The following CSMD1 variants were observed in gnomAD, a reference collection of about 807,000 sequenced individuals.
CSMD1 encodes CUB and Sushi multiple domains 1.
CSMD1 carries 213 observed loss-of-function variants against 417.5 expected under a neutral mutation model. That is an observed-to-expected ratio of 0.51 (90% CI 0.46 to 0.57). The LOEUF is 0.57. Ranked by LOEUF, CSMD1 falls within the 20% of genes least tolerant of loss-of-function variation. CSMD1 has a pLI of 0.00. For synonymous variants in CSMD1, 2,862 were observed against 1,736.8 expected, an observed-to-expected ratio of 1.65 and a Z score of -16.11; for missense variants, 6,923 against 4,529.7, an observed-to-expected ratio of 1.53 and a Z score of -15.17.
chr8:4,054,050 G>C (rs1463359584), intron 3 of CSMD1, among the ~76,000 whole-genome samples: 2 of 152,144 alleles, frequency 1.3e-5, no homozygotes, highest in African/African-American at 2.4e-5. Context: ...AGTTCACTGA[G>C]AGCCAAATGC....
At chr8:3,830,328 A>G (rs892306498) in intron 5 of CSMD1, among the ~76,000 whole-genome samples, 10 of 152,364 alleles carry the variant, frequency 6.6e-5, no homozygotes, top group Admixed American at 5.2e-4. Flanking sequence ...CACTTGCCGA[A>G]TGATTGGTCG....
chr8:3,485,356 G>A (rs1288550301), intron 11 of CSMD1, among the ~76,000 whole-genome samples: 1 of 152,110 alleles, frequency 6.6e-6, no homozygotes, highest in Non-Finnish European at 1.5e-5. Context: ...TAGAGCTGGA[G>A]TGCAGATAAT....
Position 2,965,826 on chromosome 8 carries a change from T to G in CSMD1, c.9229A>C (p.Ile3077Leu). ...YVMEAVTSAT[I>L]RCTKDGRWNP... is the part of the protein sequence containing the mutation. ...CACCTGCCGTCTTTGGTACAGCGAA[T>G]AGTGGCGGATGTGACTGCTTCCATG... The change falls in exon 59 of 70, where the codon ATT (isoleucine) becomes CTT (leucine). Residue 3077 changes from isoleucine to leucine, a missense_variant. By Grantham distance (5) the Ile-to-Leu change is conservative. Transcript: ENST00000635120. 1 of 1,609,032 alleles carries G rather than the reference T, an allele frequency of 6.2e-7. No individual in the cohort carries two copies. Among genetic ancestry groups the G allele is most frequent in the Admixed American group, 1.7e-5 (1 of 59,556 alleles).
At chr8:3,370,749 T>G (rs1160574514) in intron 18 of CSMD1, among the ~76,000 whole-genome samples, 1 of 152,054 alleles carries the variant, frequency 6.6e-6, no homozygotes, top group African/African-American at 2.4e-5. Flanking sequence ...CTGAGGCAGG[T>G]GGATCACCTG....
In CSMD1 at chr8:3,975,697, G is replaced by C. The variant is rs144266899; in HGVS notation, c.818+22206C>G. 5.7e-4 allele frequency among the ~76,000 whole-genome samples: 87 copies of C among 152,282 alleles called. No individual in the cohort carries two copies. The East Asian group carries it at 0.01, about 18-fold the overall frequency. On this transcript the variant is annotated intron_variant, in intron 5 of 69. Transcript: ENST00000635120. ...TGTACAGGAGATGATGGATTTAAAA[G>C]CCATGGTTGACAACGACTTCATTAC...
At chr8:4,181,020 T>G (rs924743075) in intron 3 of CSMD1, among the ~76,000 whole-genome samples, 1 of 151,994 alleles carries the variant, frequency 6.6e-6, no homozygotes, top group African/African-American at 2.4e-5. Context: ...AGCAAAAAAG[T>G]CCAGCTGAAA....
At position 4,727,347 on chromosome 8, in the gene CSMD1, T is replaced by C. The variant is rs1397878737; in HGVS notation, c.86-89789A>G. ...AAACCCATGAACAAAGACCATGAAA[T>C]AAAATGTTCACAAAAACACTAATGC... is the stretch of plus-strand genomic sequence containing the variant. On this transcript the variant is annotated intron_variant, in intron 1 of 69. Transcript: ENST00000635120. 2.6e-5 allele frequency among the ~76,000 whole-genome samples: 4 copies of C among 152,070 alleles called. No homozygotes were observed. In the South Asian group the frequency reaches 8.3e-4, roughly 32 times the overall value.
At chr8:4,349,346 G>T (rs1345002698) in intron 3 of CSMD1, among the ~76,000 whole-genome samples, 1 of 152,162 alleles carries the variant, frequency 6.6e-6, no homozygotes, top group African/African-American at 2.4e-5. Flanking sequence ...TAAGATGTAG[G>T]TGTTATCGTA....
At chr8:3,900,419 G>C (rs939675845) in intron 5 of CSMD1, among the ~76,000 whole-genome samples, 10 of 151,938 alleles carry the variant, frequency 6.6e-5, no homozygotes, top group Middle Eastern at 3.4e-3. Context: ...GGGCAGCTGG[G>C]TGACAGTGTA....
chr8:3,742,718 C>CAGAG (rs201388373), intron 6 of CSMD1, among the ~76,000 whole-genome samples: 1 of 148,772 alleles, frequency 6.7e-6, no homozygotes, highest in African/African-American at 2.5e-5. Flanking sequence ...TGCATAGGAT[C>CAGAG]AGAGAGAGAG....
At chr8:3,201,981 A>T (rs1319446009) in intron 31 of CSMD1, among the ~76,000 whole-genome samples, 1 of 152,204 alleles carries the variant, frequency 6.6e-6, no homozygotes, top group Non-Finnish European at 1.5e-5. Context: ...TTAAATGAGG[A>T]ATGTTTTTGT....
chr8:3,263,307 C>T (rs1801211714), intron 26 of CSMD1, among the ~76,000 whole-genome samples: 2 of 152,148 alleles, frequency 1.3e-5, no homozygotes, highest in Non-Finnish European at 2.9e-5. Context: ...CCATGTTGGC[C>T]AGGCTAGTCT....
intron 12 of CSMD1, among the ~76,000 whole-genome samples, chr8:3,432,930 A>T (rs1386543160): frequency 6.6e-6 from 1 of 152,220 alleles, no homozygotes; most frequent in Non-Finnish European, 1.5e-5. Flanking sequence ...CTAATCATTG[A>T]AGAACATACC....
At chr8:3,540,812 C>A (rs560869610) in intron 10 of CSMD1, among the ~76,000 whole-genome samples, 68 of 152,254 alleles carry the variant, frequency 4.5e-4, no homozygotes, top group African/African-American at 1.6e-3. Context: ...TAAAGAAGTG[C>A]AAATCAAAAC....
intron 50 of CSMD1, among the ~76,000 whole-genome samples, chr8:3,045,284 C>A (rs568136808): frequency 6.6e-6 from 1 of 152,180 alleles, no homozygotes; most frequent in African/African-American, 2.4e-5. Context: ...GTTTAACAAC[C>A]ATTTAATGGA....
chr8:4,049,705 A>T (rs552767326), intron 3 of CSMD1, among the ~76,000 whole-genome samples: 24 of 152,160 alleles, frequency 1.6e-4, no homozygotes, highest in Non-Finnish European at 3.1e-4. Context: ...TAAATTTTCA[A>T]ATTTAGACTA....
At chr8:4,241,382 C>G (rs1344040214) in intron 3 of CSMD1, among the ~76,000 whole-genome samples, 1 of 152,182 alleles carries the variant, frequency 6.6e-6, no homozygotes, top group Non-Finnish European at 1.5e-5. Context: ...TCAGGGAAAC[C>G]CTTCCCACTT....
At position 4,325,452 on chromosome 8, in the gene CSMD1, T is replaced by C. The variant is rs548261525; in HGVS notation, c.415+94501A>G. 2.6e-5 allele frequency among the ~76,000 whole-genome samples: 4 copies of C among 152,300 alleles called. No homozygotes were observed. In the South Asian group the frequency reaches 8.3e-4, roughly 32 times the overall value. Reference sequence around the variant, plus strand: ...CAGGCAATACATGGTATTTACTTCATGTAAGAATCGTCTACTTTCAAGCGC... The same window carrying C: ...CAGGCAATACATGGTATTTACTTCACGTAAGAATCGTCTACTTTCAAGCGC... On this transcript the variant is annotated intron_variant, in intron 3 of 69. Coordinates refer to ENST00000635120, the MANE Select transcript of CSMD1 (RefSeq NM_033225.6).
At chr8:4,248,553 A>G (rs1426858035) in intron 3 of CSMD1, among the ~76,000 whole-genome samples, 1 of 152,172 alleles carries the variant, frequency 6.6e-6, no homozygotes, top group Non-Finnish European at 1.5e-5. Context: ...GACACATTCT[A>G]TTTCTCTTTG....
Sources: allele counts gnomAD v4.1 joint callset (sites outside exome capture counted in the v4.1 genomes callset), GRCh38; gene constraint gnomAD v4.1.1; transcripts MANE v1.5; gene names NCBI Gene and HGNC (gene_info 2026-07-23, HGNC 2026-07-21).